GREM2: variants seen among roughly 807,000 people sequenced by gnomAD.
GREM2 encodes gremlin 2, DAN family BMP antagonist.
Under a neutral mutation model 14.2 loss-of-function variants are expected in GREM2, and 11 were observed. That is an observed-to-expected ratio of 0.78 (90% CI 0.49 to 1.28). The LOEUF is 1.28. GREM2 is among the 50% of genes most tolerant of loss of function. The probability of loss-of-function intolerance (pLI) is 0.00; values close to 1 mark genes in which losing one functional copy is unlikely to be tolerated. For synonymous variants in GREM2, 98 were observed against 97.6 expected (o/e 1.00, Z -0.02); for missense variants, 210 against 218.5 (o/e 0.96, Z 0.24).
intron 1 of GREM2, among the ~76,000 whole-genome samples, chr1:240,539,168 C>T (rs1161040085): frequency 1.3e-5 from 2 of 152,204 alleles, no homozygotes; most frequent in Non-Finnish European, 2.9e-5. Context: ...AGGCCCCCAT[C>T]ATTCCATTCT....
At chr1:240,509,680 T>G (rs1162350682) in intron 1 of GREM2, among the ~76,000 whole-genome samples, 3 of 152,166 alleles carry the variant, frequency 2.0e-5, no homozygotes, top group Non-Finnish European at 4.4e-5. Flanking sequence ...CATTTGACTC[T>G]TATGACCTCC....
intron 1 of GREM2, among the ~76,000 whole-genome samples, chr1:240,586,754 T>A (rs1449103608): frequency 1.3e-5 from 2 of 152,196 alleles, no homozygotes; most frequent in Non-Finnish European, 2.9e-5. Context: ...AAAGAGTTTA[T>A]CTTAAAGAAT....
chr1:240,563,073 G>GTA (rs1432773104), intron 1 of GREM2, among the ~76,000 whole-genome samples: 2 of 150,164 alleles, frequency 1.3e-5, no homozygotes, highest in Non-Finnish European at 3.0e-5. Flanking sequence ...GTGTATGTGT[G>GTA]TATATGTGAG....
At chr1:240,511,111 T>C (rs1348407379) in intron 1 of GREM2, among the ~76,000 whole-genome samples, 1 of 152,216 alleles carries the variant, frequency 6.6e-6, no homozygotes, top group Non-Finnish European at 1.5e-5. Context: ...TGAACACTAG[T>C]GTACATATTA....
intron 1 of GREM2, among the ~76,000 whole-genome samples, chr1:240,502,909 A>G (rs951021216): frequency 5.0e-4 from 76 of 152,218 alleles, no homozygotes; most frequent in African/African-American, 1.7e-3. Context: ...CGACTGATTT[A>G]AGCATGGGCA....
At chr1:240,585,894 G>T (rs1304828728) in intron 1 of GREM2, among the ~76,000 whole-genome samples, 1 of 151,914 alleles carries the variant, frequency 6.6e-6, no homozygotes, top group Non-Finnish European at 1.5e-5. Flanking sequence ...AAGGAAGCTT[G>T]TGCATTTAAA....
At chr1:240,566,393 A>T (rs1679177752) in intron 1 of GREM2, among the ~76,000 whole-genome samples, 1 of 152,184 alleles carries the variant, frequency 6.6e-6, no homozygotes, top group Non-Finnish European at 1.5e-5. Context: ...AAATAAAGTG[A>T]ACCTTATGAT....
At chr1:240,554,860 G>T (rs2103342436) in intron 1 of GREM2, among the ~76,000 whole-genome samples, 1 of 152,198 alleles carries the variant, frequency 6.6e-6, no homozygotes, top group East Asian at 1.9e-4. Context: ...TTTAAGAATT[G>T]TGGGTGGGTG....
intron 1 of GREM2, among the ~76,000 whole-genome samples, chr1:240,502,363 G>C (rs915481173): frequency 6.6e-6 from 1 of 152,074 alleles, no homozygotes; most frequent in African/African-American, 2.4e-5. Context: ...TGAAACTCTT[G>C]AGAAAATATT....
intron 1 of GREM2, chr1:240,530,523 A>T (rs1411639921): frequency 6.6e-6 from 1 of 152,242 alleles, no homozygotes; most frequent in Non-Finnish European, 1.5e-5. Flanking sequence ...GATCAAAAGG[A>T]TCACATGTGG....
At chr1:240,593,980 G>A (rs375825857) in intron 1 of GREM2, among the ~76,000 whole-genome samples, 1 of 151,996 alleles carries the variant, frequency 6.6e-6, no homozygotes, top group South Asian at 2.1e-4. Flanking sequence ...TTGAGACAGG[G>A]TCTCACTCTG....
intron 1 of GREM2, among the ~76,000 whole-genome samples, chr1:240,538,648 G>A (rs554365490): frequency 6.6e-6 from 1 of 152,210 alleles, no homozygotes; most frequent in African/African-American, 2.4e-5. Flanking sequence ...AGTTCAGGAG[G>A]CGGAGGTTGC....
At chr1:240,579,929 G>A (rs774974748) in intron 1 of GREM2, among the ~76,000 whole-genome samples, 5 of 152,196 alleles carry the variant, frequency 3.3e-5, no homozygotes, top group African/African-American at 1.2e-4. Context: ...GCATCCCCTT[G>A]CATGGGGCAG....
intron 1 of GREM2, among the ~76,000 whole-genome samples, chr1:240,495,019 A>T (rs1677377078): frequency 6.6e-6 from 1 of 152,266 alleles, no homozygotes; most frequent in Non-Finnish European, 1.5e-5. Flanking sequence ...TTCAATAGGA[A>T]TGAGAATTGG....
At chr1:240,509,279 A>T (rs1038580723) in intron 1 of GREM2, among the ~76,000 whole-genome samples, 3 of 151,596 alleles carry the variant, frequency 2.0e-5, no homozygotes, top group Admixed American at 2.0e-4. Flanking sequence ...TGAACCAGGG[A>T]CCTGGCTCAC....
chr1:240,497,743 T>C (rs1181057664), intron 1 of GREM2, among the ~76,000 whole-genome samples: 2 of 152,058 alleles, frequency 1.3e-5, no homozygotes, highest in Non-Finnish European at 2.9e-5. Context: ...CCTCCTTAGT[T>C]GCACACATGA....
At chr1:240,600,319 C>T (rs1445279282) in intron 1 of GREM2, among the ~76,000 whole-genome samples, 1 of 152,056 alleles carries the variant, frequency 6.6e-6, no homozygotes, top group Non-Finnish European at 1.5e-5. Flanking sequence ...GAAAAAAAAT[C>T]GTGAAAAGTG....
At chr1:240,523,662 T>A (rs1398552081) in intron 1 of GREM2, among the ~76,000 whole-genome samples, 1 of 152,296 alleles carries the variant, frequency 6.6e-6, no homozygotes, top group African/African-American at 2.4e-5. Flanking sequence ...TTTTGTTTTG[T>A]TTTGTTTTTT....
At chr1:240,558,467 A>C (rs1678988039) in intron 1 of GREM2, among the ~76,000 whole-genome samples, 1 of 151,950 alleles carries the variant, frequency 6.6e-6, no homozygotes, top group African/African-American at 2.4e-5. Context: ...AATTAAATTA[A>C]TGGAAAAATG....
Sources: gnomAD v4.1 joint callset for allele counts (sites outside exome capture counted in the v4.1 genomes callset) on GRCh38, gnomAD v4.1.1 for gene constraint, MANE v1.5 for transcripts, NCBI Gene and HGNC (gene_info 2026-07-23, HGNC 2026-07-21) for gene names.